The following ARL6 variants were observed in gnomAD, a reference collection of about 807,000 sequenced individuals.
The protein encoded by ARL6 is ARF like GTPase 6.
In ARL6, 18 loss-of-function variants were observed where a neutral mutation model predicts 27.1. That is an observed-to-expected ratio of 0.66 (90% CI 0.46 to 0.98). The LOEUF (loss-of-function observed/expected upper bound fraction) is 0.98, where lower values mean the gene tolerates loss of function less well. Ranked by LOEUF, ARL6 falls within the 50% of genes least tolerant of loss-of-function variation. The pLI is 0.00. For synonymous variants in ARL6, 65 were observed against 72.3 expected (o/e 0.90, Z 0.51); for missense variants, 187 against 214.9 (o/e 0.87, Z 0.81).
rs767902548 is a variant in ARL6, at chr3:97,798,046, A to G, written c.558A>G (p.Thr186=). The change falls in exon 8 of 8, where the codon ACA becomes ACG. Residue 186 remains threonine, a synonymous_variant. Transcript: ENST00000463745. ...CAGATCAGATCCAGACTGTGAAGAC[A>G]TGAAAAGATAATAGTTGGAAACCTC... ...WLQDQIQTVK[T] is the part of the protein sequence containing the mutation. The G allele has an allele frequency of 3.7e-6, 6 of 1,613,146 alleles. No individual in the cohort carries two copies. Among genetic ancestry groups the G allele is most frequent in the Non-Finnish European group, 5.1e-6 (6 of 1,179,390 alleles).
intron 2 of ARL6, among the ~76,000 whole-genome samples, chr3:97,779,560 G>A (rs1036292360): frequency 4.6e-5 from 7 of 152,036 alleles, no homozygotes; most frequent in South Asian, 2.1e-4. Context: ...ACAAACTCAC[G>A]TATGTGTTGA....
intron 1 of ARL6, among the ~76,000 whole-genome samples, chr3:97,767,432 G>A (rs2036436977): frequency 6.6e-6 from 1 of 152,080 alleles, no homozygotes. Flanking sequence ...GACTTACAAA[G>A]ATGTATGTAT....
At chr3:97,780,093 C>A in intron 2 of ARL6, 66 bp from the exon 3 acceptor site, 2 of 1,328,932 alleles carry the variant, frequency 1.5e-6, no homozygotes, top group Non-Finnish European at 2.2e-6. Flanking sequence ...AATCTGGATA[C>A]TTTAACTTGA....
At chr3:97,775,627 T>C (rs1481251338) in intron 2 of ARL6, among the ~76,000 whole-genome samples, 1 of 152,136 alleles carries the variant, frequency 6.6e-6, no homozygotes, top group Non-Finnish European at 1.5e-5. Flanking sequence ...TTCAATCCAA[T>C]CAAATTGACA....
At chr3:97,779,832 C>A (rs1011382776) in intron 2 of ARL6, among the ~76,000 whole-genome samples, 1 of 151,132 alleles carries the variant, frequency 6.6e-6, no homozygotes, top group Non-Finnish European at 1.5e-5. Flanking sequence ...CGCCACTGCT[C>A]TCCAGCCTGG....
At chr3:97,768,299 T>C in intron 2 of ARL6, 69 bp downstream of exon 2, 1 of 1,530,764 alleles carries the variant, frequency 6.5e-7, no homozygotes, top group South Asian at 1.2e-5. Context: ...AGAATTATGT[T>C]ATATGACGTT....
rs74851684 is a variant in ARL6 at position 97,775,912 on chromosome 3, G to A, written c.124-4247G>A. On this transcript the variant is annotated intron_variant, in intron 2 of 7. Transcript: ENST00000463745. ...TGAAGATAATGTATATTCTGCAGCT[G>A]TTGGATGGAATGTTCCATAAATGTT... is the stretch of plus-strand genomic sequence containing the variant. 3.9e-3 allele frequency among the ~76,000 whole-genome samples: 601 copies of A among 152,316 alleles called. 3 individuals carry two copies. The highest frequency in any genetic ancestry group is 0.013 in the African/African-American group (546 of 41,572).
chr3:97,780,256 G>A, intron 3 of ARL6, 36 bp downstream of exon 3: 1 of 1,539,072 alleles, frequency 6.5e-7, no homozygotes, highest in Non-Finnish European at 9.0e-7. Context: ...AAAGTTGCTA[G>A]TGAAAAATAA....
chr3:97,778,544 T>A (rs910406135), intron 2 of ARL6, among the ~76,000 whole-genome samples: 3 of 152,150 alleles, frequency 2.0e-5, no homozygotes, highest in East Asian at 1.9e-4. Context: ...ACTGTTTTTT[T>A]ATAAAAGCAA....
intron 4 of ARL6, among the ~76,000 whole-genome samples, chr3:97,784,658 T>C (rs2037361211): frequency 6.6e-6 from 1 of 151,902 alleles, no homozygotes; most frequent in Non-Finnish European, 1.5e-5. Context: ...TTTTAACTCA[T>C]TTTCTCATAT....
rs888723030 is a variant in ARL6 at position 97,800,625 on chromosome 3, G to T, written c.*2576G>T. The T allele has an allele frequency of 1.7e-4, 26 of 152,014 alleles. No homozygotes were observed. The highest frequency in any genetic ancestry group is 3.9e-4 in the Admixed American group (6 of 15,262). 9.4% of individuals were successfully genotyped at this position (152,014 alleles called of 1,614,324 possible). On this transcript the variant is annotated 3_prime_UTR_variant, in exon 8 of 8. Transcript: ENST00000463745. ...TGTCTCCTTAAGATATTTTTTCTTT[G>T]TAATTTTTTTATATCATGTTGTGAT...
intron 5 of ARL6, among the ~76,000 whole-genome samples, chr3:97,786,303 C>T (rs1397727087): frequency 2.0e-5 from 3 of 151,632 alleles, no homozygotes; most frequent in Admixed American, 2.0e-4. Flanking sequence ...TGAGATAGCA[C>T]CACTGAGGGC....
chr3:97,784,929 T>C, intron 4 of ARL6, 26 bp from the exon 5 acceptor site: 3 of 1,549,850 alleles, frequency 1.9e-6, no homozygotes, highest in Non-Finnish European at 2.7e-6. Flanking sequence ...AAAGCTTTAA[T>C]TTTTCTTTTT....
intron 6 of ARL6, among the ~76,000 whole-genome samples, chr3:97,790,949 G>A (rs2037702975): frequency 6.6e-6 from 1 of 151,930 alleles, no homozygotes; most frequent in Non-Finnish European, 1.5e-5. Flanking sequence ...GAAAATAAAT[G>A]ACTAGATCAA....
At chr3:97,784,808 T>G (rs2037368974) in intron 4 of ARL6, 147 bp from the exon 5 acceptor site, 1 of 568,204 alleles carries the variant, frequency 1.8e-6, no homozygotes, top group Non-Finnish European at 3.2e-6. Context: ...TCATATAAAC[T>G]AATAAGAAAC....
At chr3:97,774,050 T>C (rs2036767225) in intron 2 of ARL6, among the ~76,000 whole-genome samples, 1 of 152,240 alleles carries the variant, frequency 6.6e-6, no homozygotes, top group Non-Finnish European at 1.5e-5. Context: ...ATGGATCTCC[T>C]ATATTCCATA....
rs1057440569 is a variant in ARL6 at position 97,799,233 on chromosome 3, G to A, written c.*1184G>A. On this transcript the variant is annotated 3_prime_UTR_variant, in exon 8 of 8. Transcript: ENST00000463745. ...ATGAAAATAGAAGGCAAAAGTAAGT[G>A]AGTAATAAAGATGTTATAGTAACTG... 1.3e-5 allele frequency: 2 copies of A among 151,994 alleles called. No individual in the cohort carries two copies. The highest frequency in any genetic ancestry group is 1.3e-4 in the Admixed American group (2 of 15,244). 9.4% of individuals were successfully genotyped at this position (151,994 alleles called of 1,614,324 possible).
intron 5 of ARL6, among the ~76,000 whole-genome samples, chr3:97,786,184 C>T (rs2037450040): frequency 6.6e-6 from 1 of 151,946 alleles, no homozygotes; most frequent in Non-Finnish European, 1.5e-5. Flanking sequence ...AACCCCATCT[C>T]TACTAAAAAT....
chr3:97,766,992 G>C (rs2036411411), intron 1 of ARL6, among the ~76,000 whole-genome samples: 1 of 152,120 alleles, frequency 6.6e-6, no homozygotes, highest in Admixed American at 6.5e-5. Context: ...TTGGAGACCT[G>C]AAGTGTAAAT....
Sources: gnomAD v4.1 joint callset for allele counts (sites outside exome capture counted in the v4.1 genomes callset) on GRCh38, gnomAD v4.1.1 for gene constraint, MANE v1.5 for transcripts, NCBI Gene and HGNC (gene_info 2026-07-23, HGNC 2026-07-21) for gene names.